The following STX8 variants were observed in gnomAD, a reference collection of about 807,000 sequenced individuals.
STX8 encodes the protein syntaxin 8, also known as syntaxin-8.
Under a neutral mutation model 37.5 loss-of-function variants are expected in STX8, and 23 were observed. The ratio of observed to expected loss-of-function variants is 0.61; its 90% CI spans 0.44 to 0.87. STX8 has a LOEUF of 0.87. Among genes scored for constraint, STX8 ranks in the 40% least tolerant of loss-of-function variants. STX8 has a pLI of 0.00. For missense variants in STX8, 313 were observed against 284.7 expected, an observed-to-expected ratio of 1.10 and a Z score of -0.71; for synonymous variants, 115 against 99.1, an observed-to-expected ratio of 1.16 and a Z score of -0.95.
Position 9,427,818 on chromosome 17 carries a change from A to T in STX8, c.542-49165T>A, listed in dbSNP as rs144646812. On this transcript the variant is annotated intron_variant, in intron 6 of 7. Coordinates refer to ENST00000306357, the MANE Select transcript of STX8 (RefSeq NM_004853.3). Reference sequence around the variant, plus strand: ...GAGAAAGCGCTGGGTGCAGGCACTCATTTTTAATTTTCTTAAAATAGAGTT... The same window carrying T: ...GAGAAAGCGCTGGGTGCAGGCACTCTTTTTTAATTTTCTTAAAATAGAGTT... Among the ~76,000 whole-genome samples, 800 of 152,288 alleles carry T rather than the reference A, an allele frequency of 5.3e-3. 5 individuals are homozygous for T. The highest frequency in any genetic ancestry group is 7.4e-3 in the Non-Finnish European group (506 of 68,024).
At chr17:9,405,418 C>A (rs561549113) in intron 6 of STX8, among the ~76,000 whole-genome samples, 5 of 152,310 alleles carry the variant, frequency 3.3e-5, no homozygotes, top group African/African-American at 1.2e-4. Flanking sequence ...TGGTAAGGTA[C>A]TCCCTGACTT....
chr17:9,358,805 A>C (rs1414322094), intron 7 of STX8, among the ~76,000 whole-genome samples: 1 of 152,178 alleles, frequency 6.6e-6, no homozygotes, highest in Non-Finnish European at 1.5e-5. Flanking sequence ...CTGAGAGAAA[A>C]CAGGAAAGGA....
intron 7 of STX8, among the ~76,000 whole-genome samples, chr17:9,296,765 A>C (rs376799835): frequency 3.3e-5 from 5 of 152,142 alleles, no homozygotes; most frequent in African/African-American, 1.2e-4. Flanking sequence ...GTATGATTTT[A>C]ATTATACTTA....
chr17:9,252,644 A>G (rs1906630270), intron 7 of STX8, among the ~76,000 whole-genome samples: 1 of 151,932 alleles, frequency 6.6e-6, no homozygotes, highest in African/African-American at 2.4e-5. Flanking sequence ...AAATAAAAAA[A>G]AAAACTAGGG....
chr17:9,530,855 G>A (rs1462962655), intron 4 of STX8, among the ~76,000 whole-genome samples: 5 of 152,132 alleles, frequency 3.3e-5, no homozygotes, highest in Non-Finnish European at 7.4e-5. Context: ...TTTATGGTTA[G>A]TATGTTTTGT....
chr17:9,362,577 G>C (rs567564835), intron 7 of STX8, among the ~76,000 whole-genome samples: 30 of 152,084 alleles, frequency 2.0e-4, no homozygotes, highest in African/African-American at 7.2e-4. Context: ...CCAGTACTTT[G>C]GGAGGCCGAG....
chr17:9,250,718 G>T, intron 7 of STX8, 73 bp from the exon 8 acceptor site: 2 of 1,440,856 alleles, frequency 1.4e-6, no homozygotes, highest in Admixed American at 2.0e-5. Flanking sequence ...CTGAGTGTCT[G>T]CAGAGACTCA....
At chr17:9,542,284 G>A (rs1906307421) in intron 4 of STX8, among the ~76,000 whole-genome samples, 1 of 152,018 alleles carries the variant, frequency 6.6e-6, no homozygotes, top group Admixed American at 6.6e-5. Context: ...CTTGAACTCG[G>A]GAGGCGGAGG....
chr17:9,259,776 G>C (rs1347394927), intron 7 of STX8, among the ~76,000 whole-genome samples: 2 of 152,122 alleles, frequency 1.3e-5, no homozygotes, highest in Non-Finnish European at 2.9e-5. Flanking sequence ...AGGAGGAGAA[G>C]GTTAAAGCAA....
rs112290270 is a variant in STX8, at chr17:9,390,556, G to T, written c.542-11903C>A. Among the ~76,000 whole-genome samples, 15 of 142,938 alleles carry T rather than the reference G, an allele frequency of 1.0e-4. No homozygotes were observed. The South Asian group carries it at 3.4e-3, about 32-fold the overall frequency. 93.8% of individuals were successfully genotyped at this position (142,938 alleles called of 152,430 possible). A position where few individuals can be genotyped will look rare whatever the true frequency, so the allele number is the denominator to read the frequency against. ...AAAAAGTGTAACACAGGGTCGGTGC[G>T]GTGGCTCATGCCTGTAATCCCAGCA... is the stretch of plus-strand genomic sequence containing the variant. On this transcript the variant is annotated intron_variant, in intron 6 of 7. Transcript: ENST00000306357.
intron 7 of STX8, among the ~76,000 whole-genome samples, chr17:9,280,698 C>G (rs1907852226): frequency 6.6e-6 from 1 of 152,184 alleles, no homozygotes; most frequent in Non-Finnish European, 1.5e-5. Flanking sequence ...TACCATATTT[C>G]TGGATGGGAA....
intron 7 of STX8, among the ~76,000 whole-genome samples, chr17:9,295,453 T>G (rs1391976202): frequency 6.6e-6 from 1 of 152,140 alleles, no homozygotes; most frequent in East Asian, 1.9e-4. Flanking sequence ...ATCTTGAAAA[T>G]GTAGGCTGGG....
At chr17:9,557,274 A>G (rs1213899016) in intron 3 of STX8, 160 bp downstream of exon 3, 13 of 591,486 alleles carry the variant, frequency 2.2e-5, no homozygotes, top group Non-Finnish European at 3.3e-5. Context: ...AACATGTAAC[A>G]GACACTTAAA....
In STX8 at chr17:9,270,076, G is replaced by A. The variant is rs114825922; in HGVS notation, c.644-19431C>T. Among the ~76,000 whole-genome samples, 786 of 152,336 alleles carry A rather than the reference G, an allele frequency of 5.2e-3. 9 individuals are homozygous for A. The highest frequency in any genetic ancestry group is 0.017 in the African/African-American group (702 of 41,572). ...ATTCTTTGGGGTTAAATAACAGGCC[G>A]TGTGTTTCCAATGTCTGTGTCTCCT... On this transcript the variant is annotated intron_variant, in intron 7 of 7. Transcript: ENST00000306357.
At chr17:9,323,110 G>T (rs1909634736) in intron 7 of STX8, among the ~76,000 whole-genome samples, 2 of 152,036 alleles carry the variant, frequency 1.3e-5, no homozygotes, top group Admixed American at 6.6e-5. Flanking sequence ...AAAGTAAAGA[G>T]AAGCCCCTTC....
At chr17:9,292,604 A>G (rs1908353724) in intron 7 of STX8, among the ~76,000 whole-genome samples, 1 of 152,216 alleles carries the variant, frequency 6.6e-6, no homozygotes, top group East Asian at 1.9e-4. Flanking sequence ...TCTGAGGCCT[A>G]CAGGAAGGAG....
intron 6 of STX8, among the ~76,000 whole-genome samples, chr17:9,450,638 A>G (rs974633666): frequency 6.6e-6 from 1 of 151,488 alleles, no homozygotes; most frequent in Admixed American, 6.6e-5. Context: ...TTATCTAGCT[A>G]TAATATAAAT....
intron 7 of STX8, among the ~76,000 whole-genome samples, chr17:9,252,732 T>G (rs1430380256): frequency 1.3e-5 from 2 of 152,152 alleles, no homozygotes; most frequent in Non-Finnish European, 2.9e-5. Context: ...TCCAATCTTT[T>G]GAGAAACGCT....
intron 7 of STX8, among the ~76,000 whole-genome samples, chr17:9,351,373 G>T (rs987911363): frequency 6.6e-6 from 1 of 151,704 alleles, no homozygotes; most frequent in East Asian, 1.9e-4. Flanking sequence ...TGGCCTGACT[G>T]GTCTCCAACT....
Sources: allele counts gnomAD v4.1 joint callset (sites outside exome capture counted in the v4.1 genomes callset), GRCh38; gene constraint gnomAD v4.1.1; transcripts MANE v1.5; gene names NCBI Gene and HGNC (gene_info 2026-07-23, HGNC 2026-07-21).